Variants in PPA2 observed in about 807,000 individuals in gnomAD.
The protein encoded by PPA2 is inorganic pyrophosphatase 2, mitochondrial.
A neutral mutation model predicts 49.5 loss-of-function variants in PPA2; 48 were observed. The ratio of observed to expected loss-of-function variants is 0.97; its 90% CI spans 0.77 to 1.23. The LOEUF is 1.23. PPA2 is among the 50% of genes most tolerant of loss of function. The probability of loss-of-function intolerance (pLI) is 0.00; values close to 1 mark genes in which losing one functional copy is unlikely to be tolerated. For synonymous variants in PPA2, 131 were observed against 139.9 expected (o/e 0.94, Z 0.45); for missense variants, 429 against 410.1 (o/e 1.05, Z -0.40).
Position 105,428,659 on chromosome 4 carries a change from G to A in PPA2, c.529-4337C>T, listed in dbSNP as rs150544872. ...CACAGGGAGGGGAACATCATACACC[G>A]AGGCCTGTTGGGGGTGGGGGGCTAG... On this transcript the variant is annotated intron_variant, in intron 6 of 11. Transcript: ENST00000341695. Among the ~76,000 whole-genome samples the A allele has an allele frequency of 1.0e-3, 151 of 150,586 alleles. 1 individual carries two copies. The East Asian group carries it at 0.025, about 25-fold the overall frequency.
chr4:105,423,547 G>A (rs1723346798), intron 7 of PPA2, among the ~76,000 whole-genome samples: 1 of 152,146 alleles, frequency 6.6e-6, no homozygotes, highest in Admixed American at 6.6e-5. Flanking sequence ...TCCCTTTAGA[G>A]ATGAGCAACT....
intron 10 of PPA2, 69 bp from the exon 11 acceptor site, chr4:105,370,942 G>GT: frequency 7.4e-7 from 1 of 1,360,322 alleles, no homozygotes; most frequent in Non-Finnish European, 9.6e-7. Flanking sequence ...GCATCCAGAA[G>GT]TTTTTTCACG....
At chr4:105,375,178 T>C (rs558645294) in intron 10 of PPA2, among the ~76,000 whole-genome samples, 4 of 152,276 alleles carry the variant, frequency 2.6e-5, no homozygotes, top group Admixed American at 2.6e-4. Context: ...TATTAATACT[T>C]CCTCTTCAAG....
At chr4:105,378,334 A>T (rs1733340974) in intron 10 of PPA2, among the ~76,000 whole-genome samples, 2 of 152,030 alleles carry the variant, frequency 1.3e-5, no homozygotes, top group South Asian at 4.1e-4. Context: ...TTCTTTATAG[A>T]TTTGGTGATG....
intron 3 of PPA2, among the ~76,000 whole-genome samples, chr4:105,453,260 A>T (rs539972446): frequency 4.6e-5 from 7 of 152,316 alleles, no homozygotes; most frequent in African/African-American, 1.7e-4. Flanking sequence ...AGGAAATGAG[A>T]AGTTGCTCAA....
intron 10 of PPA2, among the ~76,000 whole-genome samples, chr4:105,383,712 T>A (rs1249485868): frequency 6.6e-6 from 1 of 152,172 alleles, no homozygotes; most frequent in Non-Finnish European, 1.5e-5. Flanking sequence ...TCATTTAACA[T>A]CTACAGATAA....
rs946962404 is a variant in PPA2, at chr4:105,405,444, T to A, written c.656-6280A>T. 3 of 858,510 alleles carry A rather than the reference T, an allele frequency of 3.5e-6. No homozygotes were observed. The African/African-American group carries it at 5.5e-5, about 16-fold the overall frequency. The allele number at this position is 858,510 out of a possible 1,614,324, so 53.2% of individuals were successfully genotyped here. ...TATTACAATTTAGTTCTTATAAATTTATTTTTTTCCACTGTGTTGAAGTTA... is the reference window on the plus strand; with the variant it reads ...TATTACAATTTAGTTCTTATAAATTAATTTTTTTCCACTGTGTTGAAGTTA... On this transcript the variant is annotated intron_variant, in intron 7 of 11. Transcript: ENST00000341695.
At chr4:105,385,307 G>A (rs1269776063) in intron 10 of PPA2, among the ~76,000 whole-genome samples, 1 of 151,072 alleles carries the variant, frequency 6.6e-6, no homozygotes, top group Non-Finnish European at 1.5e-5. Context: ...GATAAAATGC[G>A]AGCTACACAA....
chr4:105,370,590 GAA>G (rs34420247), intron 11 of PPA2: 8 of 966,274 alleles, frequency 8.3e-6, no homozygotes, highest in Non-Finnish European at 9.8e-6. Context: ...GTACTTCAGC[GAA>G]AAAAAAAGTC....
rs1733373134 is a variant in PPA2, at chr4:105,379,139, T to C, written c.939+7428A>G. ...CATGCAATGTTGAAGGCATGAACATTATGTATCTCTTCATTTACTTAGTTC... is the reference window on the plus strand; with the variant it reads ...CATGCAATGTTGAAGGCATGAACATCATGTATCTCTTCATTTACTTAGTTC... On this transcript the variant is annotated intron_variant, in intron 10 of 11. Transcript: ENST00000341695. Among the ~76,000 whole-genome samples the C allele has an allele frequency of 2.5e-5, 3 of 121,922 alleles. No homozygotes were observed. The Admixed American group carries it at 2.9e-4, about 12-fold the overall frequency. The allele number at this position is 121,922 out of a possible 152,430, so 80.0% of individuals were successfully genotyped here.
intron 6 of PPA2, among the ~76,000 whole-genome samples, chr4:105,428,028 G>C (rs1429453236): frequency 2.0e-5 from 3 of 152,220 alleles, no homozygotes; most frequent in Non-Finnish European, 4.4e-5. Context: ...AGCCAGAAGA[G>C]AGTGGGTGCC....
At chr4:105,445,840 C>T (rs1201581545) in intron 5 of PPA2, among the ~76,000 whole-genome samples, 1 of 152,046 alleles carries the variant, frequency 6.6e-6, no homozygotes, top group Non-Finnish European at 1.5e-5. Flanking sequence ...AGTTGTTATT[C>T]TCCAACAGGA....
chr4:105,380,768 T>TA (rs1006520077), intron 10 of PPA2, among the ~76,000 whole-genome samples: 1 of 152,140 alleles, frequency 6.6e-6, no homozygotes, highest in Non-Finnish European at 1.5e-5. Flanking sequence ...CTATTGCTTT[T>TA]AAAAAAATAC....
intron 1 of PPA2, 98 bp downstream of exon 1, chr4:105,473,796 G>C (rs1278186342): frequency 6.6e-7 from 1 of 1,511,618 alleles, no homozygotes; most frequent in South Asian, 1.2e-5. Context: ...CAAAAAGAGA[G>C]AAGGGAGACC....
At position 105,406,522 on chromosome 4, in the gene PPA2, T is replaced by A. The variant is rs940454568; in HGVS notation, c.656-7358A>T. On this transcript the variant is annotated intron_variant, in intron 7 of 11. Coordinates refer to ENST00000341695, the MANE Select transcript of PPA2 (RefSeq NM_176869.3). ...CCTTAGCTTATCAAAGAAAAAAAAA[T>A]TTCTGAAATCCAAAGATAAGGAGAA... Among the ~76,000 whole-genome samples the A allele has an allele frequency of 1.1e-4, 16 of 151,724 alleles. No homozygotes were observed. In the Middle Eastern group the frequency reaches 0.01, roughly 97 times the overall value.
intron 9 of PPA2, among the ~76,000 whole-genome samples, chr4:105,395,669 C>T (rs1449918768): frequency 6.6e-6 from 1 of 151,680 alleles, no homozygotes; most frequent in Admixed American, 6.6e-5. Context: ...TTTAAAAGAA[C>T]CCTAAAAATC....
chr4:105,388,473 T>C (rs1733768983), intron 9 of PPA2, among the ~76,000 whole-genome samples: 1 of 152,164 alleles, frequency 6.6e-6, no homozygotes, highest in South Asian at 2.1e-4. Context: ...TCTTGACAAG[T>C]AACCAGTAGT....
At chr4:105,386,127 C>T (rs1409784214) in intron 10 of PPA2, among the ~76,000 whole-genome samples, 5 of 152,004 alleles carry the variant, frequency 3.3e-5, no homozygotes, top group African/African-American at 1.2e-4. Flanking sequence ...GTAATTCACT[C>T]ACCTTGGCCT....
In PPA2 at chr4:105,473,115, C is replaced by G. The variant is rs73836265; in HGVS notation, c.157+779G>C. Among the ~76,000 whole-genome samples the G allele has an allele frequency of 4.9e-3, 740 of 152,272 alleles. 6 individuals carry two copies. The highest frequency in any genetic ancestry group is 0.015 in the African/African-American group (641 of 41,550). On this transcript the variant is annotated intron_variant, in intron 1 of 11. Transcript: ENST00000341695. ...GTGGGGAGTGAAGGCAAGCGACCGA[C>G]ATCGCTATTTTCTGTTACGGTTAAC...
Sources: gnomAD v4.1 joint callset for allele counts (sites outside exome capture counted in the v4.1 genomes callset) on GRCh38, gnomAD v4.1.1 for gene constraint, MANE v1.5 for transcripts, NCBI Gene and HGNC (gene_info 2026-07-23, HGNC 2026-07-21) for gene names.